The following ROBO1 variants were observed in gnomAD, a reference collection of about 807,000 sequenced individuals.
ROBO1 encodes roundabout guidance receptor 1.
In ROBO1, 149 loss-of-function variants were observed where a neutral mutation model predicts 195.9. The observed-to-expected ratio is 0.76, with a 90% CI of 0.67 to 0.87. The LOEUF (loss-of-function observed/expected upper bound fraction) is 0.87, where lower values mean the gene tolerates loss of function less well. ROBO1 is among the 40% of genes least tolerant of loss of function. ROBO1 has a pLI of 0.00. For synonymous variants in ROBO1, 816 were observed against 733.2 expected, an observed-to-expected ratio of 1.11 and a Z score of -1.82; for missense variants, 1,933 against 2,068.3, an observed-to-expected ratio of 0.93 and a Z score of 1.27.
intron 1 of ROBO1, among the ~76,000 whole-genome samples, chr3:79,706,440 AT>A (rs1486128570): frequency 6.6e-6 from 1 of 152,124 alleles, no homozygotes; most frequent in Non-Finnish European, 1.5e-5. Flanking sequence ...GGTGTGATAG[AT>A]TACATTAATT....
chr3:78,619,287 G>A (rs1185567177), intron 26 of ROBO1, among the ~76,000 whole-genome samples: 1 of 151,982 alleles, frequency 6.6e-6, no homozygotes, highest in Non-Finnish European at 1.5e-5. Context: ...TTAGGGTCTA[G>A]GGTCATCTGG....
chr3:78,887,349 C>G (rs2036627176), intron 4 of ROBO1, among the ~76,000 whole-genome samples: 1 of 152,122 alleles, frequency 6.6e-6, no homozygotes, highest in South Asian at 2.1e-4. Context: ...CTTGAGTCTA[C>G]AATAATTCTC....
chr3:78,966,894 C>T (rs2076656523), intron 3 of ROBO1, among the ~76,000 whole-genome samples: 1 of 152,152 alleles, frequency 6.6e-6, no homozygotes, highest in Non-Finnish European at 1.5e-5. Context: ...AGTCCTACAG[C>T]TTTAAACCCA....
intron 3 of ROBO1, among the ~76,000 whole-genome samples, chr3:79,001,582 T>C (rs777399913): frequency 2.0e-5 from 3 of 152,240 alleles, no homozygotes; most frequent in East Asian, 1.9e-4. Context: ...TCCTAAAGAA[T>C]AGAAGAGAGT....
intron 4 of ROBO1, among the ~76,000 whole-genome samples, chr3:78,748,367 C>T (rs963228468): frequency 6.6e-6 from 1 of 152,018 alleles, no homozygotes; most frequent in Admixed American, 6.6e-5. Flanking sequence ...ATTGCTAGAA[C>T]CCAGGAGGTG....
chr3:79,502,019 T>C (rs577752885), intron 2 of ROBO1, among the ~76,000 whole-genome samples: 7 of 152,306 alleles, frequency 4.6e-5, no homozygotes, highest in African/African-American at 1.4e-4. Context: ...AGAGAAAGCT[T>C]AGGCCTTTCC....
At chr3:79,328,671 C>T (rs1017883553) in intron 2 of ROBO1, among the ~76,000 whole-genome samples, 1 of 151,726 alleles carries the variant, frequency 6.6e-6, no homozygotes, top group Non-Finnish European at 1.5e-5. Context: ...GTTTTTTTGG[C>T]TATATGGGTA....
chr3:79,247,349 C>A (rs1408448217), intron 2 of ROBO1, among the ~76,000 whole-genome samples: 1 of 149,440 alleles, frequency 6.7e-6, no homozygotes, highest in Non-Finnish European at 1.5e-5. Context: ...ACTAGAACCA[C>A]CAATGGCAGC....
intron 2 of ROBO1, among the ~76,000 whole-genome samples, chr3:79,549,535 T>A (rs1942397690): frequency 6.6e-6 from 1 of 152,154 alleles, no homozygotes; most frequent in African/African-American, 2.4e-5. Flanking sequence ...TACAGCCTTT[T>A]TTTCCCTGTC....
At chr3:79,647,459 G>A (rs1190043136) in intron 1 of ROBO1, among the ~76,000 whole-genome samples, 1 of 152,056 alleles carries the variant, frequency 6.6e-6, no homozygotes, top group Non-Finnish European at 1.5e-5. Context: ...AGGTTACTCT[G>A]GAGGGCCTGG....
intron 3 of ROBO1, among the ~76,000 whole-genome samples, chr3:79,117,465 G>A (rs2080027486): frequency 6.6e-6 from 1 of 152,124 alleles, no homozygotes; most frequent in Admixed American, 6.5e-5. Context: ...ACAGAATCCT[G>A]TGTCAAGATG....
chr3:79,452,685 T>C (rs1394537366), intron 2 of ROBO1, among the ~76,000 whole-genome samples: 1 of 152,140 alleles, frequency 6.6e-6, no homozygotes. Flanking sequence ...TTAATAAGTA[T>C]GTAGATTTTA....
At chr3:79,059,159 T>G (rs1428600757) in intron 3 of ROBO1, among the ~76,000 whole-genome samples, 1 of 152,126 alleles carries the variant, frequency 6.6e-6, no homozygotes, top group Non-Finnish European at 1.5e-5. Flanking sequence ...ATTCCTATAA[T>G]GAGACTGATC....
At chr3:78,951,376 A>T (rs551213854) in intron 3 of ROBO1, among the ~76,000 whole-genome samples, 1 of 152,244 alleles carries the variant, frequency 6.6e-6, no homozygotes, top group Non-Finnish European at 1.5e-5. Flanking sequence ...AACATCTGAT[A>T]ACCATCATTC....
At chr3:78,771,247 T>C (rs2083367650) in intron 4 of ROBO1, among the ~76,000 whole-genome samples, 1 of 152,192 alleles carries the variant, frequency 6.6e-6, no homozygotes, top group Non-Finnish European at 1.5e-5. Context: ...TCCATTGCAC[T>C]GGTCTATGTG....
intron 4 of ROBO1, among the ~76,000 whole-genome samples, chr3:78,852,894 A>G (rs2034158912): frequency 6.6e-6 from 1 of 152,208 alleles, no homozygotes; most frequent in African/African-American, 2.4e-5. Context: ...CTATTTGGCC[A>G]ACAGATACTA....
chr3:79,041,326 T>C (rs1367369495), intron 3 of ROBO1, among the ~76,000 whole-genome samples: 1 of 152,220 alleles, frequency 6.6e-6, no homozygotes, highest in Non-Finnish European at 1.5e-5. Context: ...GACAGCATCT[T>C]GTTCATCTTT....
intron 4 of ROBO1, among the ~76,000 whole-genome samples, chr3:78,880,153 C>T (rs1463049634): frequency 1.3e-5 from 2 of 152,062 alleles, no homozygotes; most frequent in Non-Finnish European, 2.9e-5. Context: ...ATTAGGATTG[C>T]TTTTCTTACC....
chr3:78,733,189 G>A (rs1052545037), intron 5 of ROBO1, among the ~76,000 whole-genome samples: 8 of 151,878 alleles, frequency 5.3e-5, no homozygotes, highest in Non-Finnish European at 1.0e-4. Flanking sequence ...TGATAATGTG[G>A]GCAAGATGAA....
Sources: gnomAD v4.1 joint callset for allele counts (sites outside exome capture counted in the v4.1 genomes callset) on GRCh38, gnomAD v4.1.1 for gene constraint, MANE v1.5 for transcripts, NCBI Gene and HGNC (gene_info 2026-07-23, HGNC 2026-07-21) for gene names.